PTPRD: variants seen among roughly 807,000 people sequenced by gnomAD.
PTPRD encodes protein tyrosine phosphatase receptor type D, also known as receptor-type tyrosine-protein phosphatase delta.
In PTPRD, 34 loss-of-function variants were observed where a neutral mutation model predicts 214.5. That is an observed-to-expected ratio of 0.16 (90% CI 0.12 to 0.21). The LOEUF (loss-of-function observed/expected upper bound fraction) is 0.21. Ranked by LOEUF, PTPRD falls within the 10% of genes least tolerant of loss-of-function variation. The pLI, the probability that PTPRD is intolerant of heterozygous loss-of-function variation, is 1.00. For synonymous variants in PTPRD, 1,128 were observed against 845.7 expected (o/e 1.33, Z -5.79); for missense variants, 2,545 against 2,398.7 (o/e 1.06, Z -1.27).
Position 8,404,999 on chromosome 9 carries a change from C to T in PTPRD, c.4087-339G>A, listed in dbSNP as rs141636851. On this transcript the variant is annotated intron_variant, in intron 35 of 45. Coordinates refer to ENST00000381196, the MANE Select transcript of PTPRD (RefSeq NM_002839.4). ...AGTCATCTTGGTTCAATATTCCTTC[C>T]GGTTCTGTAAACCTTATTTTATATT... Among the ~76,000 whole-genome samples the T allele has an allele frequency of 4.0e-3, 607 of 152,322 alleles. 5 individuals are homozygous for T. Among genetic ancestry groups the T allele is most frequent in the East Asian group, 7.9e-3 (41 of 5,190 alleles).
chr9:9,773,062 T>G (rs536476552), intron 5 of PTPRD, among the ~76,000 whole-genome samples: 1 of 152,298 alleles, frequency 6.6e-6, no homozygotes, highest in South Asian at 2.1e-4. Flanking sequence ...GTAAACCATG[T>G]TTTCAAAGAT....
At chr9:9,563,009 ATGAC>A (rs1248256200) in intron 8 of PTPRD, among the ~76,000 whole-genome samples, 4 of 152,322 alleles carry the variant, frequency 2.6e-5, no homozygotes, top group African/African-American at 9.6e-5. Context: ...TGCTAGATGA[ATGAC>A]TATTAGAACA....
chr9:10,560,578 TAAAC>T (rs898768745), intron 2 of PTPRD, among the ~76,000 whole-genome samples: 5 of 151,874 alleles, frequency 3.3e-5, no homozygotes, highest in African/African-American at 9.7e-5. Flanking sequence ...AATAAAAAAA[TAAAC>T]AAAAATTCAA....
intron 7 of PTPRD, among the ~76,000 whole-genome samples, chr9:9,595,154 C>T (rs2093168098): frequency 6.6e-5 from 10 of 151,394 alleles, no homozygotes; most frequent in Admixed American, 6.6e-4. Context: ...TAAACCAGTG[C>T]AACCGCTATG....
intron 7 of PTPRD, among the ~76,000 whole-genome samples, chr9:9,598,863 T>G (rs2093558684): frequency 6.6e-6 from 1 of 152,038 alleles, no homozygotes; most frequent in South Asian, 2.1e-4. Context: ...TGTGCCATTT[T>G]GGCCAAAGAT....
At chr9:9,764,757 A>T (rs758296263) in intron 6 of PTPRD, among the ~76,000 whole-genome samples, 10 of 152,186 alleles carry the variant, frequency 6.6e-5, no homozygotes, top group Non-Finnish European at 1.5e-4. Context: ...TTCCACGGAT[A>T]GCAAGTGACA....
chr9:9,445,609 A>G (rs1486426001), intron 8 of PTPRD, among the ~76,000 whole-genome samples: 2 of 152,152 alleles, frequency 1.3e-5, no homozygotes, highest in Non-Finnish European at 2.9e-5. Flanking sequence ...AGAAGTGCCA[A>G]GCAAAGGGGG....
rs1473266071 is a variant in PTPRD, at chr9:8,636,804, C to T, written c.105G>A (p.Gly35=). Residue 35 remains glycine (G), a synonymous_variant, in exon 13 of 46, where the codon GGG becomes GGA. Transcript: ENST00000381196. The part of the protein sequence containing the change: ...RFTRTPVDQT[G]VSGGVASFIC... ...TGAAAGAGGCAACTCCGCCAGAGAC[C>T]CCTGTCTGATCAACGGGTGTTCGTG... 2 of 1,614,002 alleles carry T rather than the reference C, an allele frequency of 1.2e-6. No individual in the cohort carries two copies. The highest frequency in any genetic ancestry group is 1.1e-5 in the South Asian group (1 of 91,070).
intron 14 of PTPRD, among the ~76,000 whole-genome samples, chr9:8,597,256 A>T (rs2094524171): frequency 6.6e-6 from 1 of 152,134 alleles, no homozygotes; most frequent in South Asian, 2.1e-4. Context: ...TAATAGCCTC[A>T]AAAATTGGAA....
chr9:8,983,156 A>G (rs1039230910), intron 11 of PTPRD, among the ~76,000 whole-genome samples: 1 of 152,068 alleles, frequency 6.6e-6, no homozygotes, highest in African/African-American at 2.4e-5. Flanking sequence ...TCATCACACT[A>G]GTAATATTGT....
At chr9:9,284,522 G>C (rs1175254645) in intron 9 of PTPRD, among the ~76,000 whole-genome samples, 1 of 151,692 alleles carries the variant, frequency 6.6e-6, no homozygotes, top group African/African-American at 2.4e-5. Flanking sequence ...CCACTGGCAA[G>C]GAAATGTCTC....
intron 7 of PTPRD, among the ~76,000 whole-genome samples, chr9:9,690,716 G>C (rs2097254306): frequency 6.6e-6 from 1 of 151,820 alleles, no homozygotes; most frequent in African/African-American, 2.4e-5. Flanking sequence ...TTTGATTGAA[G>C]AGCCTGTTAT....
intron 3 of PTPRD, among the ~76,000 whole-genome samples, chr9:10,301,364 A>C (rs2095857277): frequency 6.6e-6 from 1 of 152,166 alleles, no homozygotes; most frequent in African/African-American, 2.4e-5. Context: ...TTCTTCTCCT[A>C]CAAGAGATTA....
chr9:9,316,907 G>A (rs1963493305), intron 9 of PTPRD, among the ~76,000 whole-genome samples: 1 of 152,034 alleles, frequency 6.6e-6, no homozygotes, highest in African/African-American at 2.4e-5. Flanking sequence ...GAGATCATCA[G>A]GAACAAACTC....
chr9:8,491,809 C>G (rs1184062255), intron 27 of PTPRD, among the ~76,000 whole-genome samples: 1 of 152,246 alleles, frequency 6.6e-6, no homozygotes, highest in African/African-American at 2.4e-5. Flanking sequence ...GCATGGCACG[C>G]AGGAGGGCAC....
rs142369340 is a variant in PTPRD at position 9,306,563 on chromosome 9, CAAAAAAA to C, written c.-203+90879_-203+90885del. Among the ~76,000 whole-genome samples the C allele has an allele frequency of 5.3e-4, 42 of 79,112 alleles. 1 individual carries two copies. The East Asian group carries it at 0.016, about 30-fold the overall frequency. The allele number at this position is 79,112 out of a possible 152,430, so 51.9% of individuals were successfully genotyped here. On this transcript the variant is annotated intron_variant, in intron 9 of 45. Coordinates refer to ENST00000381196, the MANE Select transcript of PTPRD (RefSeq NM_002839.4). ...TGGGCGACAGAGTGAGACTCCGTCT[CAAAAAAA>C]AAAAAAAAAAAAAAAAAAATCCATC...
chr9:9,635,897 T>G (rs1467985970), intron 7 of PTPRD, among the ~76,000 whole-genome samples: 1 of 152,108 alleles, frequency 6.6e-6, no homozygotes, highest in Non-Finnish European at 1.5e-5. Context: ...CTGGAAAAAT[T>G]ATTCTCTCCC....
intron 4 of PTPRD, among the ~76,000 whole-genome samples, chr9:9,941,757 G>T (rs1172289179): frequency 6.6e-6 from 1 of 152,134 alleles, no homozygotes; most frequent in Non-Finnish European, 1.5e-5. Context: ...TGAAGAAGAG[G>T]TCCCAAAGGA....
chr9:9,071,470 C>T (rs1591037762), intron 10 of PTPRD, among the ~76,000 whole-genome samples: 1 of 152,124 alleles, frequency 6.6e-6, no homozygotes, highest in East Asian at 1.9e-4. Flanking sequence ...AGAGAGTCTT[C>T]TTGCTGGCTT....
Sources: gnomAD v4.1 joint callset for allele counts (sites outside exome capture counted in the v4.1 genomes callset) on GRCh38, gnomAD v4.1.1 for gene constraint, MANE v1.5 for transcripts, NCBI Gene and HGNC (gene_info 2026-07-23, HGNC 2026-07-21) for gene names.